DUSP10: variants seen among roughly 807,000 people sequenced by gnomAD.
DUSP10 encodes dual specificity phosphatase 10.
Under a neutral mutation model 30.8 loss-of-function variants are expected in DUSP10, and 14 were observed. That is an observed-to-expected ratio of 0.46 (90% CI 0.30 to 0.71). The LOEUF (loss-of-function observed/expected upper bound fraction) is 0.71. Ranked by LOEUF, DUSP10 falls within the 30% of genes least tolerant of loss-of-function variation. The pLI is 0.08. For synonymous variants in DUSP10, 254 were observed against 250.4 expected (o/e 1.01, Z -0.14); for missense variants, 550 against 619.4 (o/e 0.89, Z 1.19).
At chr1:221,721,704 A>G (rs113008451) in intron 2 of DUSP10, among the ~76,000 whole-genome samples, 2 of 152,108 alleles carry the variant, frequency 1.3e-5, no homozygotes, top group African/African-American at 2.4e-5. Flanking sequence ...TGGACATTCT[A>G]TATGAGTGAT....
At chr1:221,709,997 T>C (rs768928136) in intron 2 of DUSP10, among the ~76,000 whole-genome samples, 2 of 152,178 alleles carry the variant, frequency 1.3e-5, no homozygotes, top group Non-Finnish European at 2.9e-5. Flanking sequence ...AAACCACACC[T>C]AGCTGCAGTT....
Position 221,702,379 on chromosome 1 carries a change from G to T in DUSP10, c.*33C>A. Reference sequence around the variant, plus strand: ...TCCTCCTTCCTCATTGTCTCCTAATGGAGAGCAGCAATCCTTTCCATCCAG... The same window carrying T: ...TCCTCCTTCCTCATTGTCTCCTAATTGAGAGCAGCAATCCTTTCCATCCAG... On this transcript the variant is annotated 3_prime_UTR_variant, in exon 4 of 4. Transcript: ENST00000366899. The surrounding 1 kb of genome is among the most constrained non-coding windows in gnomAD (Gnocchi z 4.5). The T allele has an allele frequency of 6.2e-7, 1 of 1,606,570 alleles. No individual in the cohort carries two copies. Among genetic ancestry groups the T allele is most frequent in the South Asian group, 1.1e-5 (1 of 90,780 alleles).
chr1:221,712,034 G>A lies in DUSP10; in HGVS notation c.812-5568C>T, dbSNP rs545495853. Among the ~76,000 whole-genome samples the A allele has an allele frequency of 2.0e-5, 3 of 152,278 alleles. No individual in the cohort carries two copies. The South Asian group carries it at 6.2e-4, about 32-fold the overall frequency. On this transcript the variant is annotated intron_variant, in intron 2 of 3. Coordinates refer to ENST00000366899, the MANE Select transcript of DUSP10 (RefSeq NM_007207.6). ...TATCTTAACAGGAGAAACATGTGGGGTGGTGGTGGGTACCAGCTCGATCCA... is the reference window on the plus strand; with the variant it reads ...TATCTTAACAGGAGAAACATGTGGGATGGTGGTGGGTACCAGCTCGATCCA...
chr1:221,715,277 G>A (rs1661063982), intron 2 of DUSP10, among the ~76,000 whole-genome samples: 1 of 152,168 alleles, frequency 6.6e-6, no homozygotes, highest in African/African-American at 2.4e-5. Flanking sequence ...TTAATTGGAG[G>A]CCTTCCAAGA....
intron 2 of DUSP10, among the ~76,000 whole-genome samples, chr1:221,708,790 G>A (rs934212165): frequency 2.0e-5 from 3 of 152,134 alleles, no homozygotes; most frequent in South Asian, 2.1e-4. Context: ...GCTCAGCTTC[G>A]CCTCCACAAA....
chr1:221,725,652 A>G (rs1415003392), intron 2 of DUSP10, among the ~76,000 whole-genome samples: 1 of 152,228 alleles, frequency 6.6e-6, no homozygotes, highest in African/African-American at 2.4e-5. Context: ...CTTTACCTCA[A>G]TTTGGCAAAA....
chr1:221,708,060 A>T (rs998831182), intron 2 of DUSP10, among the ~76,000 whole-genome samples: 2 of 152,186 alleles, frequency 1.3e-5, no homozygotes, highest in Non-Finnish European at 2.9e-5. Context: ...CTCTAACCCT[A>T]CTCAAACAGA....
In DUSP10 at chr1:221,702,121, C is replaced by T. The variant is rs1178774845; in HGVS notation, c.*291G>A. ...ATTTAGTCATAAACTCTACAAATAGCTTAAAAGGAAAAGGGGGAGAAACAA... is the reference window on the plus strand; with the variant it reads ...ATTTAGTCATAAACTCTACAAATAGTTTAAAAGGAAAAGGGGGAGAAACAA... On this transcript the variant is annotated 3_prime_UTR_variant, in exon 4 of 4. Transcript: ENST00000366899. This position sits in a 1 kb window ranked among gnomAD's most constrained non-coding sequence, Gnocchi z 4.5. 2.8e-6 allele frequency: 1 copy of T among 363,152 alleles called. No homozygotes were observed. The highest frequency in any genetic ancestry group is 5.1e-6 in the Non-Finnish European group (1 of 196,264). 22.5% of individuals were successfully genotyped at this position (363,152 alleles called of 1,614,324 possible). A position where few individuals can be genotyped will look rare whatever the true frequency, so the allele number is the denominator to read the frequency against.
chr1:221,727,710 C>T (rs1185628694), intron 2 of DUSP10, among the ~76,000 whole-genome samples: 2 of 152,290 alleles, frequency 1.3e-5, no homozygotes, highest in Admixed American at 6.5e-5. Flanking sequence ...AGTTAATCTC[C>T]TTGAATTTAT....
chr1:221,706,588 T>G lies in DUSP10; in HGVS notation c.812-122A>C. 1.6e-6 allele frequency: 1 copy of G among 623,228 alleles called. No homozygotes were observed. Among genetic ancestry groups the G allele is most frequent in the Non-Finnish European group, 2.4e-6 (1 of 411,918 alleles). 38.6% of individuals were successfully genotyped at this position (623,228 alleles called of 1,614,324 possible). On this transcript the variant is annotated intron_variant, in intron 2 of 3. Transcript: ENST00000366899. The surrounding 1 kb of genome is among the most constrained non-coding windows in gnomAD (Gnocchi z 4.6). ...CATATTTTAAATACATATATAAATA[T>G]GTATTTAAGCAAAAAAAATAAAAAT...
At chr1:221,710,479 TGTAA>T (rs1273226028) in intron 2 of DUSP10, among the ~76,000 whole-genome samples, 1 of 152,156 alleles carries the variant, frequency 6.6e-6, no homozygotes, top group Non-Finnish European at 1.5e-5. Context: ...TCCAGCACAT[TGTAA>T]GTGCTTTTTC....
rs1051946246 is a variant in DUSP10, at chr1:221,739,136, C to G, written c.609G>C (p.Arg203=). The part of the protein sequence containing the change: ...HINCADKISR[R]RLQQGKITVL... Reference sequence around the variant, plus strand: ...CAGTGATCTTGCCCTGCTGCAGTCTCCGCCGGCTGATCTTATCGGCACAGT... The same window carrying G: ...CAGTGATCTTGCCCTGCTGCAGTCTGCGCCGGCTGATCTTATCGGCACAGT... Residue 203 remains arginine (R), a synonymous_variant, in exon 2 of 4, where the codon CGG becomes CGC. Coordinates refer to ENST00000366899, the MANE Select transcript of DUSP10 (RefSeq NM_007207.6). The G allele has an allele frequency of 5.6e-6, 9 of 1,614,124 alleles. No individual in the cohort carries two copies.
intron 2 of DUSP10, among the ~76,000 whole-genome samples, chr1:221,721,653 G>T (rs1408428121): frequency 6.6e-6 from 1 of 152,064 alleles, no homozygotes; most frequent in African/African-American, 2.4e-5. Context: ...CACACTTGGT[G>T]GCCTCTTACC....
At chr1:221,729,892 C>T (rs1661532628) in intron 2 of DUSP10, among the ~76,000 whole-genome samples, 1 of 151,992 alleles carries the variant, frequency 6.6e-6, no homozygotes, top group Non-Finnish European at 1.5e-5. Context: ...CAGGGAAGGC[C>T]CTCTTAGAAG....
In DUSP10 at chr1:221,739,550, G is replaced by A. The variant is rs371906199; in HGVS notation, c.195C>T (p.Ser65=). The change falls in exon 2 of 4, where the codon AGC becomes AGT. Residue 65 remains serine (S), a synonymous_variant. Coordinates refer to ENST00000366899, the MANE Select transcript of DUSP10 (RefSeq NM_007207.6). ...CACAATTCAGCGAGCGGGCAGAGCC[G>A]CTGGATGAGGGCATATACGTCAGAT... ...AANLTYMPSS[S]GSARSLNCGC... 86 of 1,614,070 alleles carry A rather than the reference G, an allele frequency of 5.3e-5. No homozygotes were observed. The highest frequency in any genetic ancestry group is 7.7e-5 in the South Asian group (7 of 91,090).
intron 2 of DUSP10, among the ~76,000 whole-genome samples, chr1:221,716,975 C>T (rs184146517): frequency 5.3e-4 from 81 of 152,258 alleles, no homozygotes; most frequent in African/African-American, 1.8e-3. Context: ...GTGAGTGACA[C>T]GCTGCAGAGG....
At chr1:221,733,780 A>C (rs1661685272) in intron 2 of DUSP10, among the ~76,000 whole-genome samples, 1 of 152,260 alleles carries the variant, frequency 6.6e-6, no homozygotes, top group Non-Finnish European at 1.5e-5. Context: ...GTCAATGGAA[A>C]TGCCTAGATT....
At chr1:221,725,783 G>C (rs1661408176) in intron 2 of DUSP10, among the ~76,000 whole-genome samples, 1 of 152,132 alleles carries the variant, frequency 6.6e-6, no homozygotes, top group Admixed American at 6.6e-5. Flanking sequence ...GAGAGGAAGG[G>C]AGACACAAAC....
chr1:221,725,190 T>C (rs1661392095), intron 2 of DUSP10, among the ~76,000 whole-genome samples: 1 of 152,008 alleles, frequency 6.6e-6, no homozygotes, highest in South Asian at 2.1e-4. Flanking sequence ...CTCACTCCAC[T>C]CCCTGGAAAA....
Sources: allele counts gnomAD v4.1 joint callset (sites outside exome capture counted in the v4.1 genomes callset), GRCh38; gene constraint gnomAD v4.1.1; non-coding constraint Gnocchi (gnomAD v3.1); transcripts MANE v1.5; gene names NCBI Gene and HGNC (gene_info 2026-07-23, HGNC 2026-07-21).